Variants in KIF21A observed in about 807,000 individuals in gnomAD.
KIF21A encodes the protein kinesin family member 21A.
Under a neutral mutation model 202.9 loss-of-function variants are expected in KIF21A, and 114 were observed. The observed-to-expected ratio is 0.56, with a 90% CI of 0.48 to 0.66. The LOEUF is 0.66. Among genes scored for constraint, KIF21A ranks in the 30% least tolerant of loss-of-function variants. The pLI, the probability that KIF21A is intolerant of heterozygous loss-of-function variation, is 0.00. For missense variants in KIF21A, 1,677 were observed against 1,994.9 expected, an observed-to-expected ratio of 0.84 and a Z score of 3.04; for synonymous variants, 667 against 670.8, an observed-to-expected ratio of 0.99 and a Z score of 0.09.
At chr12:39,421,276 A>G (rs1266634260) in intron 1 of KIF21A, among the ~76,000 whole-genome samples, 1 of 152,244 alleles carries the variant, frequency 6.6e-6, no homozygotes, top group Non-Finnish European at 1.5e-5. Flanking sequence ...CAAGGTTTGT[A>G]TAAGTATACT....
intron 1 of KIF21A, among the ~76,000 whole-genome samples, chr12:39,397,707 G>C (rs948827904): frequency 4.6e-5 from 7 of 152,092 alleles, no homozygotes; most frequent in African/African-American, 1.7e-4. Context: ...TGTAGTAGTA[G>C]GGCCCTGGGA....
chr12:39,385,175 G>T (rs1950861586), intron 1 of KIF21A, among the ~76,000 whole-genome samples: 1 of 152,202 alleles, frequency 6.6e-6, no homozygotes, highest in African/African-American at 2.4e-5. Flanking sequence ...AGTCAAGACA[G>T]TTCTTTCTCA....
chr12:39,396,604 T>C (rs1262788928), intron 1 of KIF21A, among the ~76,000 whole-genome samples: 1 of 152,184 alleles, frequency 6.6e-6, no homozygotes, highest in Non-Finnish European at 1.5e-5. Flanking sequence ...TAAATTATTA[T>C]ATAATAGAAA....
chr12:39,328,941 C>G (rs1164410626), intron 24 of KIF21A, among the ~76,000 whole-genome samples: 1 of 152,186 alleles, frequency 6.6e-6, no homozygotes, highest in African/African-American at 2.4e-5. Context: ...TCAATCATTG[C>G]CTTCACTGCA....
intron 11 of KIF21A, among the ~76,000 whole-genome samples, chr12:39,346,755 G>A (rs2138548837): frequency 6.6e-6 from 1 of 152,030 alleles, no homozygotes; most frequent in East Asian, 1.9e-4. Context: ...AAATTATGCA[G>A]CAGCAAAATG....
At chr12:39,428,430 C>G (rs1954927283) in intron 1 of KIF21A, among the ~76,000 whole-genome samples, 1 of 152,138 alleles carries the variant, frequency 6.6e-6, no homozygotes, top group South Asian at 2.1e-4. Context: ...AACTAGTTAT[C>G]TAGTCAAAGG....
At chr12:39,383,561 G>A (rs993928062) in intron 1 of KIF21A, among the ~76,000 whole-genome samples, 5 of 152,174 alleles carry the variant, frequency 3.3e-5, no homozygotes, top group Non-Finnish European at 7.3e-5. Flanking sequence ...AGCCACTGCA[G>A]GAGAAATAAA....
intron 11 of KIF21A, among the ~76,000 whole-genome samples, chr12:39,347,034 A>G (rs907642124): frequency 6.6e-6 from 1 of 151,916 alleles, no homozygotes; most frequent in Non-Finnish European, 1.5e-5. Context: ...TATACTACAT[A>G]TGAATATCAA....
chr12:39,379,687 G>C (rs79279722), intron 1 of KIF21A, among the ~76,000 whole-genome samples: 1 of 152,060 alleles, frequency 6.6e-6, no homozygotes, highest in Non-Finnish European at 1.5e-5. Context: ...AATGTTTACT[G>C]TCCTGATTCC....
intron 1 of KIF21A, among the ~76,000 whole-genome samples, chr12:39,426,307 G>A (rs760588789): frequency 6.6e-6 from 1 of 152,138 alleles, no homozygotes; most frequent in African/African-American, 2.4e-5. Context: ...GCGAATATGT[G>A]TGAGTATACA....
At chr12:39,303,202 C>T (rs1376380661) in intron 35 of KIF21A, 67 bp from the exon 36 acceptor site, 2 of 1,327,218 alleles carry the variant, frequency 1.5e-6, no homozygotes, top group Non-Finnish European at 2.2e-6. Flanking sequence ...TTTGTACAGT[C>T]CTAGAAACAC....
chr12:39,439,420 T>A (rs955484680), intron 1 of KIF21A, among the ~76,000 whole-genome samples: 2 of 152,174 alleles, frequency 1.3e-5, no homozygotes, highest in African/African-American at 4.8e-5. Flanking sequence ...TTCTTCAGAG[T>A]AAGCCTTTGA....
chr12:39,320,942 A>G (rs1226635671), intron 27 of KIF21A, among the ~76,000 whole-genome samples: 2 of 150,564 alleles, frequency 1.3e-5, no homozygotes, highest in Admixed American at 1.3e-4. Context: ...CAAAAAAAAA[A>G]AAAAAAAAAA....
At chr12:39,364,485 C>T (rs1231977508) in intron 6 of KIF21A, among the ~76,000 whole-genome samples, 1 of 152,204 alleles carries the variant, frequency 6.6e-6, no homozygotes, top group Non-Finnish European at 1.5e-5. Flanking sequence ...CCATTTTATA[C>T]AACATTCACC....
intron 1 of KIF21A, among the ~76,000 whole-genome samples, chr12:39,394,054 C>A (rs1444024272): frequency 6.6e-6 from 1 of 152,206 alleles, no homozygotes; most frequent in Non-Finnish European, 1.5e-5. Context: ...ATCTATACTA[C>A]TAAACCAATC....
At chr12:39,368,054 T>G in intron 3 of KIF21A, 22 bp from the exon 4 acceptor site, 1 of 1,489,450 alleles carries the variant, frequency 6.7e-7, no homozygotes. Flanking sequence ...ATATTAGAAA[T>G]CTAATTTTAG....
At chr12:39,385,886 G>A (rs1313626503) in intron 1 of KIF21A, among the ~76,000 whole-genome samples, 1 of 152,098 alleles carries the variant, frequency 6.6e-6, no homozygotes, top group Non-Finnish European at 1.5e-5. Flanking sequence ...TATTACAAAG[G>A]CAGTTTAAAT....
At chr12:39,335,147 G>A (rs1029758952) in intron 17 of KIF21A, among the ~76,000 whole-genome samples, 1 of 152,092 alleles carries the variant, frequency 6.6e-6, no homozygotes, top group East Asian at 1.9e-4. Context: ...AGACACAGCT[G>A]GGTGCAGTGG....
At chr12:39,366,301 G>C (rs201658091) in intron 6 of KIF21A, 49 bp downstream of exon 6, 96 of 1,501,896 alleles carry the variant, frequency 6.4e-5, no homozygotes, top group Non-Finnish European at 8.3e-5. Flanking sequence ...AAGACAAAAG[G>C]ACAATAGAAA....
Sources: allele counts gnomAD v4.1 joint callset (sites outside exome capture counted in the v4.1 genomes callset), GRCh38; gene constraint gnomAD v4.1.1; transcripts MANE v1.5; gene names NCBI Gene and HGNC (gene_info 2026-07-23, HGNC 2026-07-21).